Variants in ARSA observed in about 807,000 individuals in gnomAD.
ARSA encodes arylsulfatase A, also known as cerebroside-sulfatase.
ARSA carries 32 observed loss-of-function variants against 37.8 expected under a neutral mutation model. The observed-to-expected ratio is 0.85, with a 90% CI of 0.64 to 1.14. The LOEUF (loss-of-function observed/expected upper bound fraction) is 1.14, where lower values mean the gene tolerates loss of function less well. Ranked by LOEUF, ARSA falls within the 50% of genes most tolerant of loss-of-function variation. The probability of loss-of-function intolerance (pLI) is 0.00; values close to 1 mark genes in which losing one functional copy is unlikely to be tolerated. For missense variants in ARSA, 685 were observed against 686.3 expected (o/e 1.00, Z 0.02); for synonymous variants, 303 against 303.4 (o/e 1.00, Z 0.01).
intron 6 of ARSA, 56 bp from the exon 7 acceptor site, chr22:50,625,737 C>G (rs1003611930): frequency 1.3e-6 from 2 of 1,581,314 alleles, no homozygotes; most frequent in Middle Eastern, 1.7e-4. Context: ...CTGCACATAC[C>G]TGGGGCTGCC....
In ARSA at chr22:50,627,543, G is replaced by A. The variant is rs896558382; in HGVS notation, c.224+13C>T. The A allele has an allele frequency of 6.4e-7, 1 of 1,559,648 alleles. No individual in the cohort carries two copies. Among genetic ancestry groups the A allele is most frequent in the Admixed American group, 1.9e-5 (1 of 52,012 alleles). ...AGGGTCGGGGCGGGGAAGAGGCGCG[G>A]CCCCCTCTTTACCTAGAGGGTGTGC... On this transcript the variant is annotated intron_variant, in intron 1 of 7. Coordinates refer to ENST00000216124, the MANE Select transcript of ARSA (RefSeq NM_000487.6).
rs529506735 is a variant in ARSA at position 50,626,283 on chromosome 22, G to A, written c.855-5C>T. The A allele has an allele frequency of 1.2e-6, 2 of 1,611,548 alleles. No individual in the cohort carries two copies. Among genetic ancestry groups the A allele is most frequent in the African/African-American group, 1.3e-5 (1 of 75,068 alleles). On this transcript the variant is annotated splice_polypyrimidine_tract_variant and splice_region_variant and intron_variant, in intron 4 of 7. Coordinates refer to ENST00000216124, the MANE Select transcript of ARSA (RefSeq NM_000487.6). Reference sequence around the variant, plus strand: ...GACATACGCATGGTCTCAGGTCTGGGACACAGGAGGCGCTCATGAGCCATG... The same window carrying A: ...GACATACGCATGGTCTCAGGTCTGGAACACAGGAGGCGCTCATGAGCCATG...
rs1177719419 is a variant in ARSA at position 50,627,542 on chromosome 22, G to A, written c.224+14C>T. The A allele has an allele frequency of 3.2e-6, 5 of 1,560,300 alleles. No individual in the cohort carries two copies. The highest frequency in any genetic ancestry group is 1.7e-4 in the Middle Eastern group (1 of 5,836). On this transcript the variant is annotated intron_variant, in intron 1 of 7. Coordinates refer to ENST00000216124, the MANE Select transcript of ARSA (RefSeq NM_000487.6). ...GAGGGTCGGGGCGGGGAAGAGGCGC[G>A]GCCCCCTCTTTACCTAGAGGGTGTG...
At position 50,627,146 on chromosome 22, in the gene ARSA, AG is replaced by A; in HGVS notation, c.465+19del. The A allele has an allele frequency of 2.5e-6, 4 of 1,599,478 alleles. No individual in the cohort carries two copies. In the South Asian group the frequency reaches 3.3e-5, roughly 13 times the overall value. ...ACTTTGGGAGGTGGGAGGGTGGCTG[AG>A]GGCCCGGGTGGTTCCTACCTGGTCG... On this transcript the variant is annotated intron_variant, in intron 2 of 7. Coordinates refer to ENST00000216124, the MANE Select transcript of ARSA (RefSeq NM_000487.6).
chr22:50,627,161 C>T lies in ARSA; in HGVS notation c.465+5G>A, dbSNP rs752777806. On this transcript the variant is annotated splice_donor_5th_base_variant and intron_variant, in intron 2 of 7. Coordinates refer to ENST00000216124, the MANE Select transcript of ARSA (RefSeq NM_000487.6). ...AGGGTGGCTGAGGGCCCGGGTGGTT[C>T]CTACCTGGTCGTGGGAGTACGGGAT... 13 of 1,608,400 alleles carry T rather than the reference C, an allele frequency of 8.1e-6. No individual in the cohort carries two copies. The South Asian group carries it at 1.4e-4, about 18-fold the overall frequency.
chr22:50,625,133 G>C lies in ARSA; in HGVS notation c.*12C>G. 6.5e-7 allele frequency: 1 copy of C among 1,538,596 alleles called. No individual in the cohort carries two copies. Among genetic ancestry groups the C allele is most frequent in the South Asian group, 1.2e-5 (1 of 83,374 alleles). ...GAGGAGCCATCACATGCCCAGGCCA[G>C]CCGAGGGGCCCTCAGGCATGGGGAT... is the stretch of plus-strand genomic sequence containing the variant. On this transcript the variant is annotated 3_prime_UTR_variant, in exon 8 of 8. Coordinates refer to ENST00000216124, the MANE Select transcript of ARSA (RefSeq NM_000487.6).
At position 50,627,555 on chromosome 22, in the gene ARSA, C is replaced by T. The variant is rs1555901108; in HGVS notation, c.224+1G>A. 1.3e-6 allele frequency: 2 copies of T among 1,559,836 alleles called. No homozygotes were observed. Among genetic ancestry groups the T allele is most frequent in the South Asian group, 1.2e-5 (1 of 85,242 alleles). ...GGGAAGAGGCGCGGCCCCCTCTTTA[C>T]CTAGAGGGTGTGCACAGAGACACAG... On this transcript the variant is annotated splice_donor_variant, in intron 1 of 7. Coordinates refer to ENST00000216124, the MANE Select transcript of ARSA (RefSeq NM_000487.6). LOFTEE classifies it high-confidence loss of function.
intron 4 of ARSA, 136 bp downstream of exon 4, chr22:50,626,455 T>C: frequency 6.7e-7 from 1 of 1,491,478 alleles, no homozygotes. Flanking sequence ...TGACTACACC[T>C]TGGGCCCCTG....
At chr22:50,626,300 T>G in intron 4 of ARSA, 22 bp from the exon 5 acceptor site, 1 of 1,608,236 alleles carries the variant, frequency 6.2e-7, no homozygotes, top group Middle Eastern at 1.7e-4. Context: ...GAGGCGCTCA[T>G]GAGCCATGGA....
rs1414227918 is a variant in ARSA, at chr22:50,624,515, CA to C, written c.*629del. On this transcript the variant is annotated 3_prime_UTR_variant, in exon 8 of 8. Transcript: ENST00000216124. Reference sequence around the variant, plus strand: ...TGGAGGGGCCCCAGAGGAGCCGTCTCAGGGCCTGCTGCTGTGCCTTCCTAGG... The same window carrying C: ...TGGAGGGGCCCCAGAGGAGCCGTCTCGGGCCTGCTGCTGTGCCTTCCTAGG... Among the ~76,000 whole-genome samples the C allele has an allele frequency of 6.6e-6, 1 of 152,150 alleles. No individual in the cohort carries two copies. The highest frequency in any genetic ancestry group is 1.9e-4 in the East Asian group (1 of 5,198).
intron 6 of ARSA, 45 bp from the exon 7 acceptor site, chr22:50,625,726 A>C (rs2082654062): frequency 6.3e-7 from 1 of 1,588,076 alleles, no homozygotes; most frequent in South Asian, 1.1e-5. Flanking sequence ...GGCCCCAAGC[A>C]CTGCACATAC....
chr22:50,626,323 G>C (rs1279226509), intron 4 of ARSA, 45 bp from the exon 5 acceptor site: 2 of 1,601,478 alleles, frequency 1.2e-6, no homozygotes, highest in Non-Finnish European at 1.7e-6. Flanking sequence ...CACAGCCTCT[G>C]AGCCACCGAG....
rs886057652 is a variant in ARSA, at chr22:50,624,351, G to A, written c.*794C>T. ...TTCCTAAAGTGCTGGGATTACAGGCGTGAGCCACCGTGCCCAGCCAACAGA... is the reference window on the plus strand; with the variant it reads ...TTCCTAAAGTGCTGGGATTACAGGCATGAGCCACCGTGCCCAGCCAACAGA... On this transcript the variant is annotated 3_prime_UTR_variant, in exon 8 of 8. Coordinates refer to ENST00000216124, the MANE Select transcript of ARSA (RefSeq NM_000487.6). 1.4e-4 allele frequency among the ~76,000 whole-genome samples: 21 copies of A among 152,218 alleles called. No homozygotes were observed. In the South Asian group the frequency reaches 1.7e-3, roughly 12 times the overall value.
intron 4 of ARSA, 79 bp downstream of exon 4, chr22:50,626,512 G>A: frequency 6.3e-7 from 1 of 1,592,282 alleles, no homozygotes; most frequent in Non-Finnish European, 8.5e-7. Context: ...CTATGTTCTT[G>A]GCAAGCAGCT....
Position 50,625,182 on chromosome 22 carries a change from CGGGGGGTG to C in ARSA, c.1485_1492del (p.Cys495TrpfsTer75). On this transcript the variant is annotated frameshift_variant, in exon 8 of 8. Transcript: ENST00000216124. LOFTEE classifies it high-confidence loss of function. ...ATCTGGGCAATGGCAGCAAGCTGGG[CGGGGGGTG>C]CAGCCAGGATGACAGCAGATCTGCA... 1.3e-6 allele frequency: 2 copies of C among 1,594,584 alleles called. No homozygotes were observed. The highest frequency in any genetic ancestry group is 1.7e-6 in the Non-Finnish European group (2 of 1,170,702).
Position 50,627,010 on chromosome 22 carries a change from A to C in ARSA, c.508T>G (p.Cys170Gly). The change falls in exon 3 of 8, where the codon TGC becomes GGC. Residue 170 changes from cysteine (C) to glycine (G), a missense_variant. Coordinates refer to ENST00000216124, the MANE Select transcript of ARSA (RefSeq NM_000487.6). ...NLTCFPPATP[C>G]DGGCDQGLVP... ...AGGCCCTGGTCACAGCCACCGTCGC[A>C]AGGAGTGGCCGGCGGGAAGCAGGTC... 1 of 1,611,130 alleles carries C rather than the reference A, an allele frequency of 6.2e-7. No individual in the cohort carries two copies. The highest frequency in any genetic ancestry group is 8.5e-7 in the Non-Finnish European group (1 of 1,178,822).
At position 50,625,995 on chromosome 22, in the gene ARSA, G is replaced by C. The variant is rs1365407226; in HGVS notation, c.1048C>G (p.Leu350Val). 6.3e-7 allele frequency: 1 copy of C among 1,577,974 alleles called. No homozygotes were observed. The highest frequency in any genetic ancestry group is 1.9e-5 in the Admixed American group (1 of 52,198). ...PTLAALAGAPLPNVTLDGFDL... is the reference protein window; with the variant it reads ...PTLAALAGAPVPNVTLDGFDL... ...AAGCCATCCAAGGTGACATTGGGCA[G>C]TGGGGCCCCAGCCAGGGCTGCCAGG... Residue 350 changes from leucine to valine, a missense_variant, in exon 6 of 8, where the codon CTG becomes GTG. Coordinates refer to ENST00000216124, the MANE Select transcript of ARSA (RefSeq NM_000487.6).
Position 50,625,718 on chromosome 22 carries a change from C to T in ARSA, c.1108-37G>A, listed in dbSNP as rs1306704853. The T allele has an allele frequency of 3.1e-6, 5 of 1,595,362 alleles. No homozygotes were observed. In the South Asian group the frequency reaches 4.4e-5, roughly 14 times the overall value. On this transcript the variant is annotated intron_variant, in intron 6 of 7. Coordinates refer to ENST00000216124, the MANE Select transcript of ARSA (RefSeq NM_000487.6). ...GTCAGGGGTCACGGGGCGGGGCAGGCCCCAAGCACTGCACATACCTGGGGC... is the reference window on the plus strand; with the variant it reads ...GTCAGGGGTCACGGGGCGGGGCAGGTCCCAAGCACTGCACATACCTGGGGC...
In ARSA at chr22:50,624,980, C is replaced by T. The variant is rs144366706; in HGVS notation, c.*165G>A. ...TTTCCTCATTCGTACCACAGGGGAC[C>T]GGCACCAGCACACAGCATTACCCCA... On this transcript the variant is annotated 3_prime_UTR_variant, in exon 8 of 8. Transcript: ENST00000216124. 8.4e-4 allele frequency: 692 copies of T among 826,166 alleles called. No homozygotes were observed. In the African/African-American group the frequency reaches 9.0e-3, roughly 11 times the overall value. 51.2% of individuals were successfully genotyped at this position (826,166 alleles called of 1,614,324 possible). A position where few individuals can be genotyped will look rare whatever the true frequency, so the allele number is the denominator to read the frequency against.
Sources: gnomAD v4.1 joint callset for allele counts (sites outside exome capture counted in the v4.1 genomes callset) on GRCh38, gnomAD v4.1.1 for gene constraint, MANE v1.5 for transcripts, NCBI Gene and HGNC (gene_info 2026-07-23, HGNC 2026-07-21) for gene names.